Variants in SH3KBP1 observed in about 807,000 individuals in gnomAD.
SH3KBP1 encodes SH3 domain-containing kinase-binding protein 1.
Under a neutral mutation model 50.1 loss-of-function variants are expected in SH3KBP1, and 8 were observed. The ratio of observed to expected loss-of-function variants is 0.16; its 90% CI spans 0.09 to 0.29. The LOEUF is 0.29. SH3KBP1 is among the 10% of genes least tolerant of loss of function. The pLI is 1.00. For missense variants in SH3KBP1, 377 were observed against 535.2 expected, an observed-to-expected ratio of 0.70 and a Z score of 2.92; for synonymous variants, 227 against 218.6, an observed-to-expected ratio of 1.04 and a Z score of -0.34.
At chrX:19,572,395 A>G (rs1220953408) in intron 12 of SH3KBP1, among the ~76,000 whole-genome samples, 2 of 93,347 alleles carry the variant, frequency 2.1e-5, no homozygotes, top group Admixed American at 2.3e-4. Flanking sequence ...GTACATACAT[A>G]TGTTATATAT....
At chrX:19,691,484 C>A (rs187517752) in intron 5 of SH3KBP1, among the ~76,000 whole-genome samples, 6 of 104,971 alleles carry the variant, frequency 5.7e-5, no homozygotes, top group Admixed American at 4.2e-4. Flanking sequence ...CTAATCAAGA[C>A]CCCAGATCTA....
At chrX:19,841,592 G>C (rs936826830) in intron 1 of SH3KBP1, among the ~76,000 whole-genome samples, 1 of 111,478 alleles carries the variant, frequency 9.0e-6, no homozygotes, top group Non-Finnish European at 1.9e-5. Context: ...TCCTCTGAAG[G>C]GCATAGAAAA....
At chrX:19,605,873 G>A (rs1199937513) in intron 9 of SH3KBP1, among the ~76,000 whole-genome samples, 1 of 112,020 alleles carries the variant, frequency 8.9e-6, no homozygotes, top group African/African-American at 3.2e-5. Context: ...GTGCTCACGT[G>A]TCTCTACCAA....
At chrX:19,685,222 A>G (rs912698059) in intron 5 of SH3KBP1, among the ~76,000 whole-genome samples, 1 of 112,465 alleles carries the variant, frequency 8.9e-6, no homozygotes, top group Admixed American at 9.4e-5. Flanking sequence ...CTAGTCCATA[A>G]GAATGATACA....
intron 6 of SH3KBP1, among the ~76,000 whole-genome samples, chrX:19,662,129 T>A (rs1461406626): frequency 9.0e-6 from 1 of 111,629 alleles, no homozygotes; most frequent in Non-Finnish European, 1.9e-5. Flanking sequence ...ACATCAGATG[T>A]AAAATGAGTC....
intron 12 of SH3KBP1, among the ~76,000 whole-genome samples, chrX:19,584,142 ATATT>A (rs1229934650): frequency 1.1e-4 from 10 of 94,092 alleles, no homozygotes; most frequent in Non-Finnish European, 1.8e-4. Context: ...TTAATAATAT[ATATT>A]TATATATAAT....
intron 1 of SH3KBP1, among the ~76,000 whole-genome samples, chrX:19,846,595 T>C (rs1487757282): frequency 9.0e-6 from 1 of 111,665 alleles, no homozygotes; most frequent in African/African-American, 3.3e-5. Flanking sequence ...TTTTTCTCAG[T>C]GAGAAGATCC....
At chrX:19,718,585 T>G (rs1022579267) in intron 3 of SH3KBP1, among the ~76,000 whole-genome samples, 7 of 112,706 alleles carry the variant, frequency 6.2e-5, no homozygotes, top group African/African-American at 1.6e-4. Context: ...CACAGTCACC[T>G]ATTAAAATAA....
chrX:19,653,451 G>A (rs1399945013), intron 6 of SH3KBP1, among the ~76,000 whole-genome samples: 1 of 110,784 alleles, frequency 9.0e-6, no homozygotes, highest in Non-Finnish European at 1.9e-5. Flanking sequence ...GGTGGCTTAC[G>A]CCTGTAATCC....
At position 19,594,973 on chromosome X, in the gene SH3KBP1, C is replaced by G. The variant is rs41311799; in HGVS notation, c.1033G>C (p.Ala345Pro). Residue 345 changes from alanine (A) to proline (P), a missense_variant, in exon 10 of 18, where the codon GCT becomes CCT. Physicochemically the swap from Ala to Pro is conservative, Grantham distance 27 (BLOSUM62 -1). Transcript: ENST00000397821. ...CCTGCCCCTTGTTTGATGACAGGAG[C>G]GGATGGAGGCGGTGGCTTCTTGGGT... ...NRPKKPPPPSAPVIKQGAGTT... is the reference protein window; with the variant it reads ...NRPKKPPPPSPPVIKQGAGTT... 1 of 1,200,529 alleles carries G rather than the reference C, an allele frequency of 8.3e-7. No homozygotes were observed. Among genetic ancestry groups the G allele is most frequent in the Non-Finnish European group, 1.1e-6 (1 of 887,136 alleles).
At chrX:19,717,024 C>T in intron 3 of SH3KBP1, among the ~76,000 whole-genome samples, 1 of 110,166 alleles carries the variant, frequency 9.1e-6, no homozygotes, top group South Asian at 4.0e-4. Flanking sequence ...GAGAAGGGCT[C>T]GGTGTCAGGG....
At chrX:19,800,241 AAT>A (rs2066854805) in intron 2 of SH3KBP1, among the ~76,000 whole-genome samples, 1 of 112,443 alleles carries the variant, frequency 8.9e-6, no homozygotes, top group African/African-American at 3.2e-5. Context: ...CTCCTAATCA[AAT>A]AAATGACTTC....
At chrX:19,798,462 G>A (rs1055529575) in intron 2 of SH3KBP1, among the ~76,000 whole-genome samples, 2 of 111,085 alleles carry the variant, frequency 1.8e-5, no homozygotes, top group Admixed American at 9.5e-5. Flanking sequence ...CTCAAAGCTG[G>A]ACGGGAAAGG....
At chrX:19,571,422 T>C (rs1405893769) in intron 12 of SH3KBP1, among the ~76,000 whole-genome samples, 1 of 112,106 alleles carries the variant, frequency 8.9e-6, no homozygotes, top group Non-Finnish European at 1.9e-5. Flanking sequence ...ACCAGGGCCA[T>C]TGCCTCAGAC....
intron 1 of SH3KBP1, among the ~76,000 whole-genome samples, chrX:19,857,866 A>G (rs887256857): frequency 9.0e-6 from 1 of 111,623 alleles, no homozygotes; most frequent in Non-Finnish European, 1.9e-5. Context: ...CTTTGCCACT[A>G]TGATAAATTC....
At chrX:19,738,997 C>T (rs1037536859) in intron 3 of SH3KBP1, among the ~76,000 whole-genome samples, 1 of 79,535 alleles carries the variant, frequency 1.3e-5, no homozygotes, top group African/African-American at 5.3e-5. Flanking sequence ...GGGGATAGAG[C>T]GAGACTCTGC....
At chrX:19,885,882 T>C (rs1291752967) in intron 1 of SH3KBP1, among the ~76,000 whole-genome samples, 1 of 111,728 alleles carries the variant, frequency 9.0e-6, no homozygotes, top group East Asian at 2.8e-4. Context: ...CATTCATTCA[T>C]TCAACAAATA....
intron 2 of SH3KBP1, among the ~76,000 whole-genome samples, chrX:19,784,151 C>G (rs1265848986): frequency 2.7e-5 from 3 of 111,990 alleles, no homozygotes; most frequent in Non-Finnish European, 1.9e-5. Flanking sequence ...GTACTCAGAT[C>G]ACATCTGTCC....
chrX:19,622,410 A>G (rs750037352), intron 8 of SH3KBP1, among the ~76,000 whole-genome samples: 17 of 112,502 alleles, frequency 1.5e-4, no homozygotes, highest in Admixed American at 7.5e-4. Context: ...TGTATCCTCA[A>G]TATGCCCTCA....
Sources: gnomAD v4.1 joint callset for allele counts (sites outside exome capture counted in the v4.1 genomes callset) on GRCh38, gnomAD v4.1.1 for gene constraint, MANE v1.5 for transcripts, NCBI Gene and HGNC (gene_info 2026-07-23, HGNC 2026-07-21) for gene names.